The following COL13A1 variants were observed in gnomAD, a reference collection of about 807,000 sequenced individuals.
COL13A1 encodes the protein collagen alpha-1(XIII) chain.
COL13A1 carries 89 observed loss-of-function variants against 130.9 expected under a neutral mutation model. The observed-to-expected ratio is 0.68, with a 90% CI of 0.57 to 0.81. The LOEUF (loss-of-function observed/expected upper bound fraction) is 0.81. Ranked by LOEUF, COL13A1 falls within the 30% of genes least tolerant of loss-of-function variation. The probability of loss-of-function intolerance (pLI) is 0.00; values close to 1 mark genes in which losing one functional copy is unlikely to be tolerated. For missense variants in COL13A1, 879 were observed against 934.6 expected (o/e 0.94, Z 0.78); for synonymous variants, 402 against 341.6 (o/e 1.18, Z -1.95).
At chr10:69,826,377 C>T (rs367999293) in intron 2 of COL13A1, among the ~76,000 whole-genome samples, 50 of 152,324 alleles carry the variant, frequency 3.3e-4, no homozygotes, top group African/African-American at 1.1e-3. Flanking sequence ...CAGAGTCATG[C>T]CCTGACTGCC....
intron 34 of COL13A1, among the ~76,000 whole-genome samples, chr10:69,938,231 A>G (rs946412145): frequency 4.7e-5 from 7 of 149,966 alleles, no homozygotes; most frequent in African/African-American, 1.7e-4. Context: ...GAGATCTCTG[A>G]TCTCAGCCTG....
Position 69,944,141 on chromosome 10 carries a change from T to C in COL13A1, c.1931T>C (p.Ile644Thr), listed in dbSNP as rs147220162. 1.2e-4 allele frequency: 191 copies of C among 1,613,724 alleles called. No homozygotes were observed. The African/African-American group carries it at 1.8e-3, about 16-fold the overall frequency. Reference protein sequence around the residue: ...RPGPPGTPGPIGVPGPAGPKG... With the variant: ...RPGPPGTPGPTGVPGPAGPKG... ...CCTTCCCAGGGTACTCCAGGACCAA[T>C]TGGAGTTCCAGGCCCAGCGGGACCA... The change falls in exon 36 of 41, where the codon ATT becomes ACT. Residue 644 changes from isoleucine to threonine, a missense_variant. By Grantham distance (89) the Ile-to-Thr change is moderately conservative. Coordinates refer to ENST00000645393, the MANE Select transcript of COL13A1 (RefSeq NM_001368882.1).
chr10:69,844,213 A>G (rs902152797), intron 2 of COL13A1, among the ~76,000 whole-genome samples: 2 of 152,210 alleles, frequency 1.3e-5, no homozygotes, highest in Non-Finnish European at 2.9e-5. Flanking sequence ...CTGAAAAGTT[A>G]TCTGTGCTTG....
chr10:69,837,150 C>G (rs11595112), intron 2 of COL13A1, among the ~76,000 whole-genome samples: 26,918 of 152,144 alleles, frequency 0.18, 2,611 homozygotes, highest in African/African-American at 0.25. Flanking sequence ...AGGCTTAGAA[C>G]CTGGATGTGA....
Position 69,919,221 on chromosome 10 carries a change from G to A in COL13A1, c.1026+133G>A, listed in dbSNP as rs981916265. ...ACTGGGGACCTGGCTAAGCAGAGAA[G>A]GGCCCACTGGTCAGGAGCACACTGC... On this transcript the variant is annotated intron_variant, in intron 20 of 40. Transcript: ENST00000645393. 10 of 1,162,098 alleles carry A rather than the reference G, an allele frequency of 8.6e-6. No individual in the cohort carries two copies. In the African/African-American group the frequency reaches 1.2e-4, roughly 14 times the overall value. 72.0% of individuals were successfully genotyped at this position (1,162,098 alleles called of 1,614,324 possible). A position where few individuals can be genotyped will look rare whatever the true frequency, so the allele number is the denominator to read the frequency against.
chr10:69,846,720 C>G (rs12146341), intron 2 of COL13A1, among the ~76,000 whole-genome samples: 14,792 of 152,292 alleles, frequency 0.097, 805 homozygotes, highest in Middle Eastern at 0.21. Context: ...CCTCCTTAAA[C>G]ACACAGGGTG....
At position 69,956,836 on chromosome 10, in the gene COL13A1, C is replaced by T; in HGVS notation, c.2146-168C>T. On this transcript the variant is annotated intron_variant, in intron 39 of 40. Transcript: ENST00000645393. ...GGTAAAATAGCCGGATTTGTTTCCA[C>T]CTCCTTCTGAGGTTCTGACCTGTAG... The T allele has an allele frequency of 4.9e-6, 3 of 608,470 alleles. No individual in the cohort carries two copies. In the South Asian group the frequency reaches 5.8e-5, roughly 12 times the overall value. 37.7% of individuals were successfully genotyped at this position (608,470 alleles called of 1,614,324 possible). A position where few individuals can be genotyped will look rare whatever the true frequency, so the allele number is the denominator to read the frequency against.
chr10:69,951,021 G>A (rs1467199733), intron 38 of COL13A1, among the ~76,000 whole-genome samples: 1 of 151,870 alleles, frequency 6.6e-6, no homozygotes, highest in Non-Finnish European at 1.5e-5. Context: ...GCTAATTTTT[G>A]TATTTTTAGT....
chr10:69,828,713 G>A lies in COL13A1; in HGVS notation c.364+6275G>A, dbSNP rs773853945. 4.5e-4 allele frequency among the ~76,000 whole-genome samples: 69 copies of A among 152,124 alleles called. 1 individual carries two copies. Among genetic ancestry groups the A allele is most frequent in the African/African-American group, 1.5e-3 (62 of 41,402 alleles). ...CATCCTCTCCTCCCCACTTGGCCTC[G>A]GCCATGAGTTCTGCTGTTTGATGAG... On this transcript the variant is annotated intron_variant, in intron 2 of 40. Coordinates refer to ENST00000645393, the MANE Select transcript of COL13A1 (RefSeq NM_001368882.1).
intron 2 of COL13A1, among the ~76,000 whole-genome samples, chr10:69,861,202 G>A (rs914203137): frequency 1.3e-5 from 2 of 152,208 alleles, no homozygotes; most frequent in African/African-American, 2.4e-5. Context: ...CAAGGGCAGA[G>A]TGTCAAGAAG....
At chr10:69,940,919 A>T in intron 34 of COL13A1, 69 bp from the exon 35 acceptor site, 1 of 1,607,674 alleles carries the variant, frequency 6.2e-7, no homozygotes, top group Admixed American at 1.7e-5. Context: ...TTCCCTCCCC[A>T]TTGTTCCCTT....
rs575432599 is a variant in COL13A1, at chr10:69,887,353, C to T, written c.514-103C>T. 44 of 1,245,806 alleles carry T rather than the reference C, an allele frequency of 3.5e-5. No homozygotes were observed. The South Asian group carries it at 5.5e-4, about 16-fold the overall frequency. 77.2% of individuals were successfully genotyped at this position (1,245,806 alleles called of 1,614,324 possible). A position where few individuals can be genotyped will look rare whatever the true frequency, so the allele number is the denominator to read the frequency against. On this transcript the variant is annotated intron_variant, in intron 7 of 40. Coordinates refer to ENST00000645393, the MANE Select transcript of COL13A1 (RefSeq NM_001368882.1). ...AGTGAGTGTCCCCCAAGGACGATCA[C>T]ACAAAGTGAGAGGGATGGGAGCAAA... is the stretch of plus-strand genomic sequence containing the variant.
chr10:69,951,852 C>T (rs1420836905), intron 38 of COL13A1, among the ~76,000 whole-genome samples: 5 of 152,184 alleles, frequency 3.3e-5, no homozygotes, highest in South Asian at 2.1e-4. Context: ...AGTCCCCAAG[C>T]GTTAGATAAT....
chr10:69,915,296 A>G (rs1011611588), intron 17 of COL13A1, among the ~76,000 whole-genome samples: 7 of 152,222 alleles, frequency 4.6e-5, no homozygotes, highest in African/African-American at 1.4e-4. Flanking sequence ...CAGTCCCACA[A>G]GAAGGAAGTT....
At chr10:69,947,449 T>C (rs1474300392) in intron 38 of COL13A1, 107 bp downstream of exon 38, 34 of 1,072,722 alleles carry the variant, frequency 3.2e-5, no homozygotes, top group Non-Finnish European at 4.3e-5. Context: ...TTTTTCCTGA[T>C]AAGTCATCCT....
At chr10:69,882,364 G>A (rs1466315652) in intron 7 of COL13A1, among the ~76,000 whole-genome samples, 1 of 152,212 alleles carries the variant, frequency 6.6e-6, no homozygotes, top group East Asian at 1.9e-4. Context: ...GTGTGTTCAG[G>A]GCAGTAGAGC....
chr10:69,864,680 G>C (rs145608632), intron 2 of COL13A1, among the ~76,000 whole-genome samples: 1,644 of 152,346 alleles, frequency 0.011, 21 homozygotes, highest in South Asian at 0.036. Flanking sequence ...GCACGACCCA[G>C]AATGCTACCC....
chr10:69,905,901 G>A (rs1371876059), intron 17 of COL13A1, 79 bp downstream of exon 17: 9 of 1,510,940 alleles, frequency 6.0e-6, no homozygotes, highest in Admixed American at 1.8e-5. Context: ...ACCCAAGAGG[G>A]TCTCTCCCTT....
intron 2 of COL13A1, among the ~76,000 whole-genome samples, chr10:69,826,022 A>T (rs1018564612): frequency 1.3e-5 from 2 of 152,224 alleles, no homozygotes; most frequent in Admixed American, 1.3e-4. Flanking sequence ...TTTGCACAGC[A>T]TATGGCCTGG....
Sources: gnomAD v4.1 joint callset for allele counts (sites outside exome capture counted in the v4.1 genomes callset) on GRCh38, gnomAD v4.1.1 for gene constraint, MANE v1.5 for transcripts, NCBI Gene and HGNC (gene_info 2026-07-23, HGNC 2026-07-21) for gene names.